Variants in EIF4ENIF1 observed in about 807,000 individuals in gnomAD.
The protein encoded by EIF4ENIF1 is eukaryotic translation initiation factor 4E nuclear import factor 1.
In EIF4ENIF1, 23 loss-of-function variants were observed where a neutral mutation model predicts 110.5. That is an observed-to-expected ratio of 0.21 (90% CI 0.15 to 0.29). EIF4ENIF1 has a LOEUF of 0.29. Among genes scored for constraint, EIF4ENIF1 ranks in the 10% least tolerant of loss-of-function variants. EIF4ENIF1 has a pLI of 1.00. For missense variants in EIF4ENIF1, 1,031 were observed against 1,221.1 expected, an observed-to-expected ratio of 0.84 and a Z score of 2.32; for synonymous variants, 440 against 437.0, an observed-to-expected ratio of 1.01 and a Z score of -0.09.
chr22:31,439,842 A>AC lies in EIF4ENIF1; in HGVS notation c.*37dup. The stretch of plus-strand genomic sequence containing the variant: ...GAAGCAGGGTCCTGCCCAGTGTGCC[A>AC]CCACAGGTCCGGGCTTAGTTGAGTC... On this transcript the variant is annotated 3_prime_UTR_variant, in exon 19 of 19. Coordinates refer to ENST00000330125, the MANE Select transcript of EIF4ENIF1 (RefSeq NM_019843.4). The AC allele has an allele frequency of 6.2e-7, 1 of 1,604,380 alleles. No individual in the cohort carries two copies. Among genetic ancestry groups the AC allele is most frequent in the Non-Finnish European group, 8.5e-7 (1 of 1,178,750 alleles).
In EIF4ENIF1 at chr22:31,449,465, A is replaced by C; in HGVS notation, c.1651T>G (p.Leu551Val). The change falls in exon 12 of 19, where the codon TTG becomes GTG. Residue 551 changes from leucine to valine, a missense_variant. Coordinates refer to ENST00000330125, the MANE Select transcript of EIF4ENIF1 (RefSeq NM_019843.4). The stretch of plus-strand genomic sequence containing the variant: ...CCCAGTAAAGATGTTGTAGGCTCCA[A>C]GCTCCCCATAAGGCCACTCAGAAGA... ...SNLLSGLMGS[L>V]EPTTSLLGQR... The C allele has an allele frequency of 6.2e-7, 1 of 1,614,160 alleles. No homozygotes were observed. The highest frequency in any genetic ancestry group is 8.5e-7 in the Non-Finnish European group (1 of 1,180,030).
chr22:31,440,252 T>C (rs1601546995), intron 18 of EIF4ENIF1, 131 bp from the exon 19 acceptor site: 13 of 1,328,748 alleles, frequency 9.8e-6, no homozygotes, highest in African/African-American at 1.5e-5. Flanking sequence ...AGAAACTCCT[T>C]TGCAAAATAC....
chr22:31,477,373 A>C (rs900894839), intron 2 of EIF4ENIF1, among the ~76,000 whole-genome samples: 9 of 84,144 alleles, frequency 1.1e-4, no homozygotes, highest in East Asian at 2.4e-4. Context: ...AAAAAAAAAA[A>C]ACAAAAAAAA....
rs563448283 is a variant in EIF4ENIF1, at chr22:31,459,501, T to G, written c.788-851A>C. The stretch of plus-strand genomic sequence containing the variant: ...GGGAAGCTTGCCCTGCCTACCCATT[T>G]TTGCCCTACCTAGTAAAATTAATTG... On this transcript the variant is annotated intron_variant, in intron 6 of 18. Transcript: ENST00000330125. 7.9e-4 allele frequency among the ~76,000 whole-genome samples: 120 copies of G among 152,248 alleles called. 2 individuals are homozygous for G. The South Asian group carries it at 0.024, about 31-fold the overall frequency.
chr22:31,488,592 GA>G, intron 2 of EIF4ENIF1, 30 bp downstream of exon 2: 1 of 1,613,864 alleles, frequency 6.2e-7, no homozygotes, highest in Non-Finnish European at 8.5e-7. Flanking sequence ...CACCTAAAAA[GA>G]AACACTATTT....
chr22:31,487,080 A>G (rs1477627905), intron 2 of EIF4ENIF1, among the ~76,000 whole-genome samples: 1 of 152,158 alleles, frequency 6.6e-6, no homozygotes, highest in Non-Finnish European at 1.5e-5. Context: ...CAAAAAAAAA[A>G]AAGTACTGGA....
At chr22:31,454,092 AAAG>A (rs1357105027) in intron 10 of EIF4ENIF1, 49 bp downstream of exon 10, 83 of 1,526,340 alleles carry the variant, frequency 5.4e-5, no homozygotes, top group Middle Eastern at 1.7e-4. Context: ...GTGGTGGGAA[AAAG>A]AAGAAAAAAA....
chr22:31,471,482 T>A (rs2146034231), intron 3 of EIF4ENIF1, among the ~76,000 whole-genome samples: 1 of 152,104 alleles, frequency 6.6e-6, no homozygotes, highest in African/African-American at 2.4e-5. Flanking sequence ...GCCTGGCTAA[T>A]TTTTTGTATT....
chr22:31,440,519 G>A (rs528501088), intron 18 of EIF4ENIF1, among the ~76,000 whole-genome samples, 185 bp downstream of exon 18: 16 of 152,336 alleles, frequency 1.1e-4, no homozygotes, highest in African/African-American at 2.9e-4. Flanking sequence ...GACTTTGCAG[G>A]AACAGTAATC....
At chr22:31,468,407 T>C (rs1295497979) in intron 3 of EIF4ENIF1, 105 bp from the exon 4 acceptor site, 4 of 1,507,106 alleles carry the variant, frequency 2.7e-6, no homozygotes, top group Admixed American at 1.8e-5. Flanking sequence ...CCATTTCTCC[T>C]TTTTTGAGAC....
intron 15 of EIF4ENIF1, 90 bp downstream of exon 15, chr22:31,444,516 A>G: frequency 3.2e-6 from 4 of 1,255,150 alleles, no homozygotes; most frequent in Admixed American, 1.7e-5. Context: ...AAGGAACTCA[A>G]GGACATTTAG....
chr22:31,467,429 G>A (rs1001748480), intron 4 of EIF4ENIF1, among the ~76,000 whole-genome samples: 1 of 152,162 alleles, frequency 6.6e-6, no homozygotes, highest in Non-Finnish European at 1.5e-5. Flanking sequence ...CGTTTCTAAA[G>A]GGGTAAACTT....
chr22:31,456,502 C>G (rs542787308), intron 7 of EIF4ENIF1, among the ~76,000 whole-genome samples: 1 of 151,958 alleles, frequency 6.6e-6, no homozygotes, highest in South Asian at 2.1e-4. Flanking sequence ...GGATTACAAG[C>G]ATGAGCCACC....
intron 4 of EIF4ENIF1, among the ~76,000 whole-genome samples, chr22:31,464,726 A>ATATATATATATTTATATATT (rs796108181): frequency 1.7e-5 from 1 of 57,316 alleles, no homozygotes; most frequent in Non-Finnish European, 3.3e-5. Context: ...ATATATATAT[A>ATATATATATATTTATATATT]AACAGATATA....
rs949201661 is a variant in EIF4ENIF1 at position 31,444,469 on chromosome 22, C to T, written c.2073+137G>A. The T allele has an allele frequency of 2.3e-5, 18 of 790,148 alleles. 2 individuals carry two copies. The highest frequency in any genetic ancestry group is 5.1e-4 in the Middle Eastern group (2 of 3,944). The allele number at this position is 790,148 out of a possible 1,614,324, so 48.9% of individuals were successfully genotyped here. ...TCCTAAAAGGGAAAGACCTAATAGA[C>T]AGTTATGAAAAACTACTAGGTCAGT... On this transcript the variant is annotated intron_variant, in intron 15 of 18. Transcript: ENST00000330125.
intron 4 of EIF4ENIF1, among the ~76,000 whole-genome samples, chr22:31,467,308 G>A (rs752808692): frequency 7.2e-5 from 11 of 152,062 alleles, no homozygotes; most frequent in Non-Finnish European, 1.3e-4. Flanking sequence ...TATCTTTTTC[G>A]TTTAGTTCCA....
chr22:31,486,850 G>A (rs1449933424), intron 2 of EIF4ENIF1, among the ~76,000 whole-genome samples: 1 of 152,014 alleles, frequency 6.6e-6, no homozygotes, highest in Non-Finnish European at 1.5e-5. Flanking sequence ...GGAGGCCAAG[G>A]CGGGCAGATC....
At chr22:31,491,217 C>G (rs1296885562), upstream of EIF4ENIF1, among the ~76,000 whole-genome samples, 1 of 152,120 alleles carries the variant, frequency 6.6e-6, no homozygotes, top group Non-Finnish European at 1.5e-5. Context: ...GGTAAAAAAC[C>G]ATATATAACC....
rs750722850 is a variant in EIF4ENIF1 at position 31,440,106 on chromosome 22, C to T, written c.2732G>A (p.Gly911Asp). The change falls in exon 19 of 19, where the codon GGC becomes GAC. Residue 911 changes from glycine (G) to aspartate (D), a missense_variant. This residue lies in a region of EIF4ENIF1 where 309 missense variants were observed against 299.1 expected (regional missense o/e 1.03). Coordinates refer to ENST00000330125, the MANE Select transcript of EIF4ENIF1 (RefSeq NM_019843.4). ...GACAGCTGCTGCATGGGAACCAGAGCCTGGAGGATGCAGAACTGTGGAGAT... is the reference window on the plus strand; with the variant it reads ...GACAGCTGCTGCATGGGAACCAGAGTCTGGAGGATGCAGAACTGTGGAGAT... ...QLQRSVLHPP[G>D]SGSHAAAVSV... 2 of 1,614,096 alleles carry T rather than the reference C, an allele frequency of 1.2e-6. No homozygotes were observed. Among genetic ancestry groups the T allele is most frequent in the East Asian group, 4.5e-5 (2 of 44,886 alleles).
Sources: gnomAD v4.1 joint callset for allele counts (sites outside exome capture counted in the v4.1 genomes callset) on GRCh38, gnomAD v4.1.1 for gene constraint, gnomAD v4.1.1 regional missense constraint, MANE v1.5 for transcripts, NCBI Gene and HGNC (gene_info 2026-07-23, HGNC 2026-07-21) for gene names.